The following TOM1L1 variants were observed in gnomAD, a reference collection of about 807,000 sequenced individuals.
The protein encoded by TOM1L1 is TOM1-like protein 1.
Under a neutral mutation model 63.4 loss-of-function variants are expected in TOM1L1, and 64 were observed. That is an observed-to-expected ratio of 1.01 (90% CI 0.83 to 1.24). TOM1L1 has a LOEUF of 1.24. Among genes scored for constraint, TOM1L1 ranks in the 50% most tolerant of loss-of-function variants. TOM1L1 has a pLI of 0.00. For synonymous variants in TOM1L1, 166 were observed against 194.4 expected (o/e 0.85, Z 1.22); for missense variants, 536 against 567.0 (o/e 0.95, Z 0.55).
chr17:54,903,189 C>T (rs1350943942), intron 1 of TOM1L1, among the ~76,000 whole-genome samples: 1 of 152,136 alleles, frequency 6.6e-6, no homozygotes, highest in Admixed American at 6.6e-5. Context: ...CCTCCTGTCC[C>T]CCCAGAGAAT....
Position 54,950,128 on chromosome 17 carries a change from T to G in TOM1L1, c.1370+2T>G, listed in dbSNP as rs1338759044. ...CTTAGCTCCTGCTGTCACTACAGAG[T>G]AAGTCATTTACAAAATGATTAATTT... On this transcript the variant is annotated splice_donor_variant, in intron 14 of 15. Transcript: ENST00000575882. LOFTEE classifies it high-confidence loss of function. 1 of 1,604,480 alleles carries G rather than the reference T, an allele frequency of 6.2e-7. No homozygotes were observed. The highest frequency in any genetic ancestry group is 8.5e-7 in the Non-Finnish European group (1 of 1,172,138).
At chr17:54,955,149 A>G (rs2049432310) in intron 14 of TOM1L1, 3 of 152,184 alleles carry the variant, frequency 2.0e-5, no homozygotes, top group Admixed American at 2.0e-4. Context: ...CTCAGCTTGA[A>G]TACTTCTGGT....
chr17:54,957,825 T>C (rs2076986351), intron 14 of TOM1L1: 2 of 152,228 alleles, frequency 1.3e-5, no homozygotes, highest in African/African-American at 2.4e-5. Context: ...CTGGACTAAT[T>C]TATAATTCTG....
At chr17:54,927,573 C>G (rs2048788774) in intron 7 of TOM1L1, among the ~76,000 whole-genome samples, 1 of 152,158 alleles carries the variant, frequency 6.6e-6, no homozygotes, top group East Asian at 1.9e-4. Flanking sequence ...TAGAAGCTTG[C>G]CTTTGCTTTT....
intron 11 of TOM1L1, among the ~76,000 whole-genome samples, chr17:54,946,367 T>C (rs559244877): frequency 6.6e-6 from 1 of 152,346 alleles, no homozygotes; most frequent in Non-Finnish European, 1.5e-5. Flanking sequence ...GTCATAAAGC[T>C]GGAGCTTTAG....
At chr17:54,901,823 A>C (rs1354597221) in intron 1 of TOM1L1, among the ~76,000 whole-genome samples, 2 of 152,058 alleles carry the variant, frequency 1.3e-5, no homozygotes, top group Non-Finnish European at 2.9e-5. Context: ...ACACCACTTA[A>C]ACAGAACCTT....
At position 54,914,769 on chromosome 17, in the gene TOM1L1, A is replaced by T. The variant is rs759693059; in HGVS notation, c.603+26A>T. On this transcript the variant is annotated intron_variant, in intron 6 of 15. Coordinates refer to ENST00000575882, the MANE Select transcript of TOM1L1 (RefSeq NM_005486.3). ...GTAACAACAACAATCATTGCATTTA[A>T]TTGATGTCTTTTCCTGATTTGTAAG... The T allele has an allele frequency of 1.8e-4, 240 of 1,358,500 alleles. 1 individual carries two copies. The highest frequency in any genetic ancestry group is 6.5e-5 in the Non-Finnish European group (64 of 980,366). 84.2% of individuals were successfully genotyped at this position (1,358,500 alleles called of 1,614,324 possible). A position where few individuals can be genotyped will look rare whatever the true frequency, so the allele number is the denominator to read the frequency against.
intron 7 of TOM1L1, among the ~76,000 whole-genome samples, chr17:54,921,320 A>C (rs1208070594): frequency 6.6e-6 from 1 of 152,228 alleles, no homozygotes; most frequent in Non-Finnish European, 1.5e-5. Context: ...CAGGATATTG[A>C]GTACAGTGCT....
chr17:54,919,873 A>T (rs1325113745), intron 7 of TOM1L1, among the ~76,000 whole-genome samples: 1 of 152,208 alleles, frequency 6.6e-6, no homozygotes, highest in East Asian at 1.9e-4. Context: ...TCTATGGAGA[A>T]AAAGGACAAG....
intron 5 of TOM1L1, 100 bp from the exon 6 acceptor site, chr17:54,914,539 C>T: frequency 2.3e-6 from 2 of 876,478 alleles, no homozygotes; most frequent in Non-Finnish European, 3.8e-6. Context: ...ACCCTGTACA[C>T]AGGACTTTGA....
chr17:54,961,581 T>G lies in TOM1L1; in HGVS notation c.*348T>G. On this transcript the variant is annotated 3_prime_UTR_variant, in exon 16 of 16. Transcript: ENST00000575882. ...TCACACAGCTGTGATAAGAGTAGATTATTTTACTATGAAATAATTCTGAAT... is the reference window on the plus strand; with the variant it reads ...TCACACAGCTGTGATAAGAGTAGATGATTTTACTATGAAATAATTCTGAAT... The G allele has an allele frequency of 1.6e-6, 2 of 1,257,780 alleles. No homozygotes were observed. The highest frequency in any genetic ancestry group is 2.0e-6 in the Non-Finnish European group (2 of 999,536). 77.9% of individuals were successfully genotyped at this position (1,257,780 alleles called of 1,614,324 possible). A position where few individuals can be genotyped will look rare whatever the true frequency, so the allele number is the denominator to read the frequency against.
intron 14 of TOM1L1, among the ~76,000 whole-genome samples, chr17:54,950,744 G>T (rs1233191227): frequency 6.6e-6 from 1 of 152,180 alleles, no homozygotes; most frequent in East Asian, 1.9e-4. Flanking sequence ...GAAACTGACA[G>T]CCTACAGGCT....
intron 3 of TOM1L1, among the ~76,000 whole-genome samples, chr17:54,905,921 G>A (rs2048401039): frequency 6.6e-6 from 1 of 152,146 alleles, no homozygotes; most frequent in Non-Finnish European, 1.5e-5. Context: ...TATAATCCTA[G>A]CACTTTGGGA....
At chr17:54,928,988 A>C (rs1257171347) in intron 7 of TOM1L1, among the ~76,000 whole-genome samples, 1 of 152,208 alleles carries the variant, frequency 6.6e-6, no homozygotes, top group Non-Finnish European at 1.5e-5. Context: ...GAATGGTTTC[A>C]TGAAGCATAC....
rs779923266 is a variant in TOM1L1, at chr17:54,913,724, AC to A, written c.373-23del. On this transcript the variant is annotated intron_variant, in intron 4 of 15. Coordinates refer to ENST00000575882, the MANE Select transcript of TOM1L1 (RefSeq NM_005486.3). ...GTTTTGTTGCTGTTTTAACTCTGGA[AC>A]TTTTTTCATCTCTTGAATTCAGACT... 3.8e-6 allele frequency: 6 copies of A among 1,583,778 alleles called. No homozygotes were observed. The Admixed American group carries it at 5.5e-5, about 14-fold the overall frequency.
intron 7 of TOM1L1, among the ~76,000 whole-genome samples, chr17:54,923,130 A>T (rs932038140): frequency 6.6e-6 from 1 of 152,208 alleles, no homozygotes; most frequent in African/African-American, 2.4e-5. Flanking sequence ...TTTATATATC[A>T]GTTCATTAAT....
intron 12 of TOM1L1, 148 bp from the exon 13 acceptor site, chr17:54,949,369 TA>T: frequency 5.1e-6 from 3 of 590,072 alleles, no homozygotes; most frequent in East Asian, 3.0e-5. Flanking sequence ...GATTATTACC[TA>T]AAAAAACTAA....
Position 54,961,498 on chromosome 17 carries a change from G to A in TOM1L1, c.*265G>A, listed in dbSNP as rs1235395185. The A allele has an allele frequency of 7.0e-6, 10 of 1,421,808 alleles. No individual in the cohort carries two copies. Among genetic ancestry groups the A allele is most frequent in the Non-Finnish European group, 9.2e-6 (10 of 1,092,538 alleles). 88.1% of individuals were successfully genotyped at this position (1,421,808 alleles called of 1,614,324 possible). Reference sequence around the variant, plus strand: ...CAGAAGAAAAATTACTTAGTCCTTAGGCCAACCAATTTAACTGCAGTGTCA... The same window carrying A: ...CAGAAGAAAAATTACTTAGTCCTTAAGCCAACCAATTTAACTGCAGTGTCA... On this transcript the variant is annotated 3_prime_UTR_variant, in exon 16 of 16. Coordinates refer to ENST00000575882, the MANE Select transcript of TOM1L1 (RefSeq NM_005486.3).
At chr17:54,922,888 C>T (rs1472075287) in intron 7 of TOM1L1, among the ~76,000 whole-genome samples, 1 of 152,174 alleles carries the variant, frequency 6.6e-6, no homozygotes, top group Non-Finnish European at 1.5e-5. Flanking sequence ...AAACCCCATG[C>T]TCATTAAGCA....
Sources: gnomAD v4.1 joint callset for allele counts (sites outside exome capture counted in the v4.1 genomes callset) on GRCh38, gnomAD v4.1.1 for gene constraint, MANE v1.5 for transcripts, NCBI Gene and HGNC (gene_info 2026-07-23, HGNC 2026-07-21) for gene names.